The following ASTN2 variants were observed in gnomAD, a reference collection of about 807,000 sequenced individuals.
The protein encoded by ASTN2 is astrotactin-2.
A neutral mutation model predicts 139.8 loss-of-function variants in ASTN2; 54 were observed. That is an observed-to-expected ratio of 0.39 (90% confidence interval 0.31 to 0.48). The LOEUF is 0.48. Among genes scored for constraint, ASTN2 ranks in the 20% least tolerant of loss-of-function variants. The pLI is 0.95. For missense variants in ASTN2, 1,565 were observed against 1,725.1 expected (o/e 0.91, Z 1.64); for synonymous variants, 756 against 719.5 (o/e 1.05, Z -0.81).
rs1445868541 is a variant in ASTN2, at chr9:116,914,545, G to GTTT, written c.1890-50815_1890-50813dup. On this transcript the variant is annotated intron_variant, in intron 10 of 22. Coordinates refer to ENST00000313400, the MANE Select transcript of ASTN2 (RefSeq NM_001365068.1). ...TACTCTGTGCCAGACACTGTAAAGT[G>GTTT]TTTTATTATTATTATTATTATTATT... is the stretch of plus-strand genomic sequence containing the variant. 4.0e-5 allele frequency among the ~76,000 whole-genome samples: 5 copies of GTTT among 125,754 alleles called. 1 individual carries two copies. The East Asian group carries it at 8.7e-4, about 22-fold the overall frequency. 82.5% of individuals were successfully genotyped at this position (125,754 alleles called of 152,430 possible). A position where few individuals can be genotyped will look rare whatever the true frequency, so the allele number is the denominator to read the frequency against.
chr9:117,083,330 G>T (rs1028183307), intron 5 of ASTN2, among the ~76,000 whole-genome samples: 1 of 151,954 alleles, frequency 6.6e-6, no homozygotes. Context: ...TTTTAATAAC[G>T]CATGACACTA....
At chr9:116,924,507 T>A (rs968708395) in intron 10 of ASTN2, among the ~76,000 whole-genome samples, 7 of 152,016 alleles carry the variant, frequency 4.6e-5, no homozygotes, top group African/African-American at 1.4e-4. Flanking sequence ...TTATACTTAT[T>A]GTTACTTCTT....
At chr9:116,749,322 C>A (rs904073455) in intron 13 of ASTN2, among the ~76,000 whole-genome samples, 14 of 152,120 alleles carry the variant, frequency 9.2e-5, no homozygotes, top group Non-Finnish European at 1.0e-4. Context: ...ACCTGAAACC[C>A]TTTTCTTCTC....
chr9:116,747,375 A>T (rs929815357), intron 13 of ASTN2, among the ~76,000 whole-genome samples: 1 of 152,226 alleles, frequency 6.6e-6, no homozygotes, highest in Non-Finnish European at 1.5e-5. Context: ...CCTGAAAAGT[A>T]AAGGTTGACT....
intron 19 of ASTN2, among the ~76,000 whole-genome samples, chr9:116,567,368 C>A (rs908017296): frequency 2.7e-4 from 41 of 152,172 alleles, no homozygotes; most frequent in African/African-American, 4.8e-5. Context: ...CCTTGACAGC[C>A]CTCCCCAGTT....
chr9:117,263,731 AC>A (rs1833877336), intron 2 of ASTN2, among the ~76,000 whole-genome samples: 1 of 152,156 alleles, frequency 6.6e-6, no homozygotes, highest in African/African-American at 2.4e-5. Flanking sequence ...CCTTTTCACT[AC>A]CCTGTGGTTA....
At chr9:117,065,856 T>C (rs2132696836) in intron 5 of ASTN2, among the ~76,000 whole-genome samples, 1 of 152,186 alleles carries the variant, frequency 6.6e-6, no homozygotes, top group African/African-American at 2.4e-5. Flanking sequence ...AGCACCAGCT[T>C]TGGGGTCAAA....
rs1836352864 is a variant in ASTN2, at chr9:116,976,791, A to G, written c.1592-6T>C. ...TTCATGACAGCTGCACTCTCCTGTAAGTGAAAAGAAAAAAGATTATTGTTA... is the reference window on the plus strand; with the variant it reads ...TTCATGACAGCTGCACTCTCCTGTAGGTGAAAAGAAAAAAGATTATTGTTA... On this transcript the variant is annotated splice_region_variant and splice_polypyrimidine_tract_variant and intron_variant, in intron 7 of 22. Transcript: ENST00000313400. 1 of 1,613,548 alleles carries G rather than the reference A, an allele frequency of 6.2e-7. No homozygotes were observed. Among genetic ancestry groups the G allele is most frequent in the Admixed American group, 1.7e-5 (1 of 59,966 alleles).
intron 4 of ASTN2, among the ~76,000 whole-genome samples, chr9:117,116,833 C>A (rs1208868462): frequency 1.1e-4 from 1 of 9,096 alleles, no homozygotes. Context: ...CTGGCATGAG[C>A]CAAAAAAAAA....
At chr9:117,408,384 C>T (rs1831064870) in intron 1 of ASTN2, among the ~76,000 whole-genome samples, 2 of 152,104 alleles carry the variant, frequency 1.3e-5, no homozygotes, top group South Asian at 4.1e-4. Context: ...GAATTCAATG[C>T]CTTGTGAGTC....
In ASTN2 at chr9:116,665,766, CAAT is replaced by C. The variant is rs566395673; in HGVS notation, c.2807-13976_2807-13974del. 2.1e-3 allele frequency among the ~76,000 whole-genome samples: 326 copies of C among 152,192 alleles called. 1 individual carries two copies. Among genetic ancestry groups the C allele is most frequent in the African/African-American group, 7.1e-3 (296 of 41,564 alleles). On this transcript the variant is annotated intron_variant, in intron 16 of 22. Transcript: ENST00000313400. ...CATTAAACAATTTGAACAAGGAAAA[CAAT>C]AATAATTGCAATTGATTTAAATTTA...
At chr9:116,574,435 G>A (rs930409044) in intron 19 of ASTN2, among the ~76,000 whole-genome samples, 3 of 152,084 alleles carry the variant, frequency 2.0e-5, no homozygotes, top group Non-Finnish European at 4.4e-5. Flanking sequence ...TTCCCTTTCT[G>A]TCTCCCACTC....
intron 17 of ASTN2, among the ~76,000 whole-genome samples, chr9:116,636,339 T>G (rs1450978460): frequency 6.6e-6 from 1 of 152,176 alleles, no homozygotes; most frequent in Non-Finnish European, 1.5e-5. Context: ...CCTCTGTGCT[T>G]TCTAACTTCT....
intron 20 of ASTN2, among the ~76,000 whole-genome samples, chr9:116,475,839 C>T (rs907579341): frequency 6.6e-6 from 1 of 152,158 alleles, no homozygotes; most frequent in Non-Finnish European, 1.5e-5. Context: ...ATGAGGTCCT[C>T]GCCTGCCTCC....
chr9:116,452,415 G>T (rs1848202145), intron 20 of ASTN2, among the ~76,000 whole-genome samples: 1 of 152,150 alleles, frequency 6.6e-6, no homozygotes, highest in Non-Finnish European at 1.5e-5. Flanking sequence ...GGGATTGTTT[G>T]CCCTCTCTGC....
intron 5 of ASTN2, among the ~76,000 whole-genome samples, chr9:117,042,244 C>T (rs945664624): frequency 6.6e-6 from 1 of 152,152 alleles, no homozygotes; most frequent in Non-Finnish European, 1.5e-5. Flanking sequence ...GTTACAACAG[C>T]CCGTTGGGGT....
At position 116,516,695 on chromosome 9, in the gene ASTN2, C is replaced by T. The variant is rs148216378; in HGVS notation, c.3356-29195G>A. Among the ~76,000 whole-genome samples, 658 of 152,324 alleles carry T rather than the reference C, an allele frequency of 4.3e-3. 2 individuals carry two copies. The highest frequency in any genetic ancestry group is 0.02 in the Middle Eastern group (6 of 294). Reference sequence around the variant, plus strand: ...ACTGTGAGTCAGCTTGCTTTCTCAACAGAGGGGCTTGTGATCTGGGGCAAG... The same window carrying T: ...ACTGTGAGTCAGCTTGCTTTCTCAATAGAGGGGCTTGTGATCTGGGGCAAG... On this transcript the variant is annotated intron_variant, in intron 19 of 22. Coordinates refer to ENST00000313400, the MANE Select transcript of ASTN2 (RefSeq NM_001365068.1).
At chr9:116,690,345 A>G (rs1860502776) in intron 16 of ASTN2, among the ~76,000 whole-genome samples, 1 of 152,266 alleles carries the variant, frequency 6.6e-6, no homozygotes, top group South Asian at 2.1e-4. Context: ...ACCCAGGGCT[A>G]CAGAGCAAGT....
intron 19 of ASTN2, among the ~76,000 whole-genome samples, chr9:116,544,663 A>C (rs1217781216): frequency 6.6e-6 from 1 of 152,202 alleles, no homozygotes; most frequent in Non-Finnish European, 1.5e-5. Flanking sequence ...ACACTGGAAC[A>C]AAGTTAAGGA....
Sources: gnomAD v4.1 joint callset for allele counts (sites outside exome capture counted in the v4.1 genomes callset) on GRCh38, gnomAD v4.1.1 for gene constraint, MANE v1.5 for transcripts, NCBI Gene and HGNC (gene_info 2026-07-23, HGNC 2026-07-21) for gene names.